Variants in FGF1 observed in about 807,000 individuals in gnomAD.
FGF1 encodes the protein fibroblast growth factor 1.
FGF1 carries 9 observed loss-of-function variants against 13.4 expected under a neutral mutation model. The ratio of observed to expected loss-of-function variants is 0.67; its 90% CI spans 0.40 to 1.17. The LOEUF (loss-of-function observed/expected upper bound fraction) is 1.17. FGF1 is among the 50% of genes most tolerant of loss of function. FGF1 has a pLI of 0.01. For synonymous variants in FGF1, 93 were observed against 79.0 expected, an observed-to-expected ratio of 1.18 and a Z score of -0.94; for missense variants, 156 against 192.7, an observed-to-expected ratio of 0.81 and a Z score of 1.13.
rs968091736 is a variant in FGF1, at chr5:142,637,170, G to A, written c.-34-23009C>T. On this transcript the variant is annotated intron_variant, in intron 1 of 3. Transcript: ENST00000337706. ...GGAGAGACAGTGGCATTTAGCCAGC[G>A]CACGGTACTGGCAGATGAACTAAAC... 2.5e-4 allele frequency among the ~76,000 whole-genome samples: 38 copies of A among 151,980 alleles called. 2 individuals are homozygous for A. Among genetic ancestry groups the A allele is most frequent in the African/African-American group, 8.7e-4 (36 of 41,296 alleles).
chr5:142,644,905 T>C (rs1212842159), intron 1 of FGF1, among the ~76,000 whole-genome samples: 5 of 152,212 alleles, frequency 3.3e-5, no homozygotes, highest in Admixed American at 1.3e-4. Context: ...GTAGCTCCAC[T>C]TGGAGAACCA....
chr5:142,641,874 T>C (rs1483245498), intron 1 of FGF1, among the ~76,000 whole-genome samples: 1 of 151,614 alleles, frequency 6.6e-6, no homozygotes, highest in African/African-American at 2.4e-5. Flanking sequence ...AGAAATTAGG[T>C]CACTCCCAGG....
Position 142,629,738 on chromosome 5 carries a change from A to G in FGF1, c.-34-15577T>C, listed in dbSNP as rs79092261. On this transcript the variant is annotated intron_variant, in intron 1 of 3. Coordinates refer to ENST00000337706, the MANE Select transcript of FGF1 (RefSeq NM_000800.5). The stretch of plus-strand genomic sequence containing the variant: ...TCAAATTTGTTTTGCTCACATTATC[A>G]CTGTTACTCATCCTGTCTTTATTAT... Among the ~76,000 whole-genome samples, 973 of 151,834 alleles carry G rather than the reference A, an allele frequency of 6.4e-3. 23 individuals carry two copies. The East Asian group carries it at 0.066, about 10-fold the overall frequency.
At chr5:142,601,523 G>T (rs183706530) in intron 2 of FGF1, among the ~76,000 whole-genome samples, 1 of 152,134 alleles carries the variant, frequency 6.6e-6, no homozygotes, top group Admixed American at 6.5e-5. Context: ...ACCTGGAAAT[G>T]CAGTGATGAG....
At chr5:142,686,123 A>G (rs1224827823), upstream of FGF1, 2 of 151,972 alleles carry the variant, frequency 1.3e-5, no homozygotes, top group African/African-American at 2.4e-5. Context: ...TGGCATGCAC[A>G]TCAGGTTGCT....
intron 1 of FGF1, among the ~76,000 whole-genome samples, chr5:142,620,334 T>C (rs1409262790): frequency 2.0e-5 from 3 of 151,738 alleles, no homozygotes; most frequent in Non-Finnish European, 4.4e-5. Flanking sequence ...AGGAAAATGG[T>C]GTGAACCCAG....
rs966841338 is a variant in FGF1, at chr5:142,662,250, C to T, written c.-35+23707G>A. ...CATTGAACTATACACTTTGAACGGA[C>T]GAACTGTATAATTGTGAATTATATC... On this transcript the variant is annotated intron_variant, in intron 1 of 3. Transcript: ENST00000337706. Among the ~76,000 whole-genome samples the T allele has an allele frequency of 5.9e-5, 9 of 152,138 alleles. No individual in the cohort carries two copies. In the East Asian group the frequency reaches 9.6e-4, roughly 16 times the overall value.
intron 1 of FGF1, among the ~76,000 whole-genome samples, chr5:142,661,781 A>G (rs926707997): frequency 2.6e-5 from 4 of 152,186 alleles, no homozygotes; most frequent in Non-Finnish European, 4.4e-5. Flanking sequence ...AGGCGGGCAG[A>G]TCACGAGGTC....
chr5:142,641,032 AG>A (rs775471252), intron 1 of FGF1, among the ~76,000 whole-genome samples: 20 of 152,182 alleles, frequency 1.3e-4, no homozygotes, highest in Non-Finnish European at 2.8e-4. Flanking sequence ...ATATTACAAA[AG>A]GAGAAGAGTT....
Position 142,694,988 on chromosome 5 carries a change from C to T in FGF1, c.-35+2634G>A, listed in dbSNP as rs574237719. On this transcript the variant is annotated intron_variant, in intron 2 of 4. Coordinates refer to the FGF1 transcript ENST00000407758. ...TGACCCATCACCTGTGCCCTTTGCT[C>T]TTTAAACTCAGGCAGCAGGAAATTC... is the stretch of plus-strand genomic sequence containing the variant. 3.0e-4 allele frequency among the ~76,000 whole-genome samples: 45 copies of T among 152,210 alleles called. 1 individual carries two copies. In the East Asian group the frequency reaches 7.2e-3, roughly 24 times the overall value.
At chr5:142,650,336 G>T (rs1372547659) in intron 1 of FGF1, among the ~76,000 whole-genome samples, 2 of 152,198 alleles carry the variant, frequency 1.3e-5, no homozygotes, top group Non-Finnish European at 2.9e-5. Flanking sequence ...GGTTCAGAAA[G>T]ACAGTCAAGG....
chr5:142,600,224 T>A (rs577154390), intron 3 of FGF1, among the ~76,000 whole-genome samples: 2 of 152,106 alleles, frequency 1.3e-5, no homozygotes, highest in Admixed American at 1.3e-4. Context: ...TAGCTGGGCA[T>A]GGTGGTATTC....
intron 1 of FGF1, among the ~76,000 whole-genome samples, chr5:142,627,642 G>C (rs990454753): frequency 6.6e-6 from 1 of 152,182 alleles, no homozygotes; most frequent in Non-Finnish European, 1.5e-5. Context: ...CATGCCCCAA[G>C]CACCACGCAG....
At chr5:142,616,151 C>T (rs942392981) in intron 1 of FGF1, among the ~76,000 whole-genome samples, 3 of 152,218 alleles carry the variant, frequency 2.0e-5, no homozygotes, top group Non-Finnish European at 2.9e-5. Flanking sequence ...GGAGATGGTT[C>T]CATCATAAAT....
intron 1 of FGF1, among the ~76,000 whole-genome samples, chr5:142,636,157 C>T (rs1052678282): frequency 5.3e-5 from 8 of 152,190 alleles, no homozygotes; most frequent in East Asian, 1.9e-4. Context: ...ACGGGAGGCA[C>T]GGGCCACTAG....
intron 1 of FGF1, among the ~76,000 whole-genome samples, chr5:142,646,360 A>T (rs569036090): frequency 6.7e-6 from 1 of 148,830 alleles, no homozygotes; most frequent in African/African-American, 2.5e-5. Flanking sequence ...TGCCCAGCTA[A>T]TTTTTTTTTG....
intron 2 of FGF1, among the ~76,000 whole-genome samples, chr5:142,692,718 C>A (rs1249727670): frequency 1.3e-5 from 2 of 151,988 alleles, no homozygotes; most frequent in Non-Finnish European, 2.9e-5. Context: ...GACACACACA[C>A]ACACACAGTT....
chr5:142,667,473 C>T (rs1459506109), intron 1 of FGF1, among the ~76,000 whole-genome samples: 1 of 150,762 alleles, frequency 6.6e-6, no homozygotes, highest in Non-Finnish European at 1.5e-5. Flanking sequence ...GTAGTCCCAG[C>T]TACTTGGGAG....
At chr5:142,636,878 G>A (rs957371281) in intron 1 of FGF1, among the ~76,000 whole-genome samples, 2 of 152,048 alleles carry the variant, frequency 1.3e-5, no homozygotes, top group Non-Finnish European at 2.9e-5. Flanking sequence ...ACAGGGTCCT[G>A]TAGGCACCTG....
Sources: allele counts gnomAD v4.1 joint callset (sites outside exome capture counted in the v4.1 genomes callset), GRCh38; gene constraint gnomAD v4.1.1; transcripts MANE v1.5; gene names NCBI Gene and HGNC (gene_info 2026-07-23, HGNC 2026-07-21).